Variants in KLRG1 observed in about 807,000 individuals in gnomAD.
KLRG1 encodes the protein killer cell lectin like receptor G1.
Under a neutral mutation model 21.8 loss-of-function variants are expected in KLRG1, and 16 were observed. The ratio of observed to expected loss-of-function variants is 0.73; its 90% CI spans 0.50 to 1.11. KLRG1 has a LOEUF of 1.11. KLRG1 is among the 50% of genes most tolerant of loss of function. KLRG1 has a pLI of 0.00. For synonymous variants in KLRG1, 69 were observed against 75.9 expected (o/e 0.91, Z 0.47); for missense variants, 173 against 218.3 (o/e 0.79, Z 1.31).
At chr12:9,138,769 T>C in the KLRG1 span, among the ~76,000 whole-genome samples, 1 of 152,106 alleles carries the variant, frequency 6.6e-6, no homozygotes, top group African/African-American at 2.4e-5. Context: ...GTTATTCGAT[T>C]AGTTGACATA....
At chr12:8,957,754 G>A (rs1429729825) in intron 1 of KLRG1, among the ~76,000 whole-genome samples, 3 of 152,154 alleles carry the variant, frequency 2.0e-5, no homozygotes, top group East Asian at 1.9e-4. Context: ...TGTCCCCAGC[G>A]TGTTTCCACT....
chr12:9,202,578 T>C, the KLRG1 span: 1 of 1,614,032 alleles, frequency 6.2e-7, no homozygotes, highest in African/African-American at 1.3e-5. Context: ...GACCAGACTT[T>C]GGGTGTTCAG....
the KLRG1 span, chr12:9,167,594 G>C: frequency 1.3e-5 from 2 of 152,120 alleles, no homozygotes; most frequent in African/African-American, 4.8e-5. Flanking sequence ...CATGGAAATG[G>C]CTTCATGTTG....
the KLRG1 span, among the ~76,000 whole-genome samples, chr12:9,018,284 A>G: frequency 6.6e-6 from 1 of 152,132 alleles, no homozygotes; most frequent in Non-Finnish European, 1.5e-5. Flanking sequence ...TGGAACCACA[A>G]ACCCAGAATA....
the KLRG1 span, chr12:9,104,165 A>G: frequency 6.5e-4 from 961 of 1,467,910 alleles, 1 homozygote; most frequent in Non-Finnish European, 8.4e-4. Flanking sequence ...CAGTTTGGAA[A>G]TTTTCTCACC....
downstream of KLRG1, among the ~76,000 whole-genome samples, chr12:9,013,989 A>G (rs757914928): frequency 6.6e-6 from 1 of 152,324 alleles, no homozygotes; most frequent in Non-Finnish European, 1.5e-5. Flanking sequence ...AATGCATCAG[A>G]GTCTCTCAAC....
chr12:8,959,743 C>T (rs1379761838), intron 1 of KLRG1, among the ~76,000 whole-genome samples: 1 of 152,090 alleles, frequency 6.6e-6, no homozygotes, highest in Non-Finnish European at 1.5e-5. Context: ...GTGTAGAGGA[C>T]TTACGTGTCT....
intron 1 of KLRG1, among the ~76,000 whole-genome samples, chr12:8,984,201 C>CTATTAT (rs937133673): frequency 6.6e-6 from 1 of 151,244 alleles, no homozygotes; most frequent in South Asian, 2.1e-4. Flanking sequence ...TCTCATTCAG[C>CTATTAT]TATTATTATT....
the KLRG1 span, chr12:9,068,232 A>AAAAAAAACC: frequency 6.2e-7 from 1 of 1,605,756 alleles, no homozygotes; most frequent in Non-Finnish European, 8.5e-7. Flanking sequence ...CATCTGAAAA[A>AAAAAAAACC]AAAAAAACCA....
chr12:9,188,276 C>T, the KLRG1 span, among the ~76,000 whole-genome samples: 1 of 152,010 alleles, frequency 6.6e-6, no homozygotes, highest in African/African-American at 2.4e-5. Flanking sequence ...GACAAAAATA[C>T]GATTATCTTA....
the KLRG1 span, among the ~76,000 whole-genome samples, chr12:9,040,540 T>C: frequency 1.3e-5 from 2 of 152,248 alleles, no homozygotes; most frequent in Non-Finnish European, 2.9e-5. Flanking sequence ...TTCTGTCCAG[T>C]GCCTCCCTCC....
At chr12:9,096,382 G>A in the KLRG1 span, among the ~76,000 whole-genome samples, 4 of 152,132 alleles carry the variant, frequency 2.6e-5, no homozygotes, top group African/African-American at 9.7e-5. Flanking sequence ...ATGATAGAAG[G>A]AAATGATAGT....
the KLRG1 span, chr12:9,201,217 A>T: frequency 7.5e-7 from 1 of 1,327,782 alleles, no homozygotes; most frequent in Admixed American, 2.1e-5. Flanking sequence ...GAGTAGGAGG[A>T]ATTCAGATCT....
the KLRG1 span, among the ~76,000 whole-genome samples, chr12:9,016,019 G>C: frequency 6.6e-6 from 1 of 152,032 alleles, no homozygotes; most frequent in African/African-American, 2.4e-5. Context: ...AGTACTAACA[G>C]CAAAGTTTAT....
chr12:9,081,678 A>C, the KLRG1 span, among the ~76,000 whole-genome samples: 1 of 152,212 alleles, frequency 6.6e-6, no homozygotes, highest in Non-Finnish European at 1.5e-5. Context: ...TGCCAGATAG[A>C]GAGGAGTTCC....
chr12:9,208,033 C>T, the KLRG1 span, among the ~76,000 whole-genome samples: 2 of 152,070 alleles, frequency 1.3e-5, no homozygotes, highest in African/African-American at 4.8e-5. Flanking sequence ...ATCATGCTTC[C>T]TAGTGACTAA....
At chr12:9,099,651 A>G in the KLRG1 span, 15 of 1,160,912 alleles carry the variant, frequency 1.3e-5, no homozygotes, top group Admixed American at 2.1e-4. Context: ...CTAGCTTTAG[A>G]AAAAAACCCT....
the KLRG1 span, chr12:9,069,671 ATTTACC>A: frequency 8.6e-7 from 1 of 1,168,672 alleles, no homozygotes; most frequent in South Asian, 1.5e-5. Flanking sequence ...TCTAAAATGC[ATTTACC>A]TTCCCAGATG....
chr12:9,063,062 C>T, the KLRG1 span, among the ~76,000 whole-genome samples: 22 of 151,736 alleles, frequency 1.4e-4, no homozygotes, highest in Admixed American at 3.3e-4. Flanking sequence ...CTTTTTTTCC[C>T]GAGCAATAAT....
Sources: allele counts gnomAD v4.1 joint callset (sites outside exome capture counted in the v4.1 genomes callset), GRCh38; gene constraint gnomAD v4.1.1; transcripts MANE v1.5; gene names NCBI Gene and HGNC (gene_info 2026-07-23, HGNC 2026-07-21).